Variants in TRMT11 observed in about 807,000 individuals in gnomAD.
TRMT11 encodes the protein tRNA (guanine(10)-N(2))-methyltransferase TRMT11.
TRMT11 carries 53 observed loss-of-function variants against 62.8 expected under a neutral mutation model. The observed-to-expected ratio is 0.84, with a 90% CI of 0.68 to 1.06. The LOEUF (loss-of-function observed/expected upper bound fraction) is 1.06. Ranked by LOEUF, TRMT11 falls within the 50% of genes least tolerant of loss-of-function variation. The pLI is 0.00. For missense variants in TRMT11, 556 were observed against 553.4 expected (o/e 1.00, Z -0.05); for synonymous variants, 188 against 190.3 (o/e 0.99, Z 0.10).
At chr6:125,995,695 T>G (rs1368890774) in intron 2 of TRMT11, among the ~76,000 whole-genome samples, 1 of 152,212 alleles carries the variant, frequency 6.6e-6, no homozygotes, top group Non-Finnish European at 1.5e-5. Context: ...ATGCATTAAT[T>G]CCTTTCGTAA....
At chr6:126,070,383 G>A (rs1007140173) in intron 17 of TRMT11, among the ~76,000 whole-genome samples, 3 of 151,964 alleles carry the variant, frequency 2.0e-5, no homozygotes, top group African/African-American at 7.3e-5. Context: ...CATATACCTG[G>A]TACTCTCACA....
chr6:126,000,362 C>G (rs1008882053), intron 7 of TRMT11, among the ~76,000 whole-genome samples: 3 of 152,074 alleles, frequency 2.0e-5, no homozygotes, highest in Admixed American at 1.3e-4. Flanking sequence ...GCCATCTTTC[C>G]CCTTGGGCAG....
At chr6:126,087,470 A>C (rs1413963966) in intron 17 of TRMT11, among the ~76,000 whole-genome samples, 2 of 152,270 alleles carry the variant, frequency 1.3e-5, no homozygotes, top group Non-Finnish European at 2.9e-5. Context: ...AATGTCAAGA[A>C]GCCCACTTGA....
chr6:126,152,084 T>A (rs1182209705), intron 21 of TRMT11, among the ~76,000 whole-genome samples: 3 of 149,316 alleles, frequency 2.0e-5, no homozygotes, highest in Non-Finnish European at 4.4e-5. Flanking sequence ...GCAGCATGTA[T>A]TCTGATGTTG....
At chr6:126,170,796 A>G (rs889102807) in intron 21 of TRMT11, among the ~76,000 whole-genome samples, 1 of 152,188 alleles carries the variant, frequency 6.6e-6, no homozygotes, top group Non-Finnish European at 1.5e-5. Flanking sequence ...GGGAAAACCT[A>G]TTTTACTAAG....
intron 17 of TRMT11, among the ~76,000 whole-genome samples, chr6:126,066,988 G>T (rs1776711759): frequency 1.3e-5 from 2 of 151,916 alleles, no homozygotes; most frequent in African/African-American, 2.4e-5. Flanking sequence ...ACTTCTGTAG[G>T]CCAAGCCGAG....
At chr6:126,004,932 C>T (rs1281240440) in intron 7 of TRMT11, among the ~76,000 whole-genome samples, 1 of 152,066 alleles carries the variant, frequency 6.6e-6, no homozygotes, top group Non-Finnish European at 1.5e-5. Flanking sequence ...GGCAGAAACA[C>T]ACTTTTCTTT....
the TRMT11 span, among the ~76,000 whole-genome samples, chr6:126,267,963 A>G: frequency 3.3e-5 from 5 of 151,846 alleles, no homozygotes; most frequent in Non-Finnish European, 7.3e-5. Context: ...TGCTAGCCCC[A>G]GAAGATAGAA....
chr6:126,093,260 A>G (rs1306535844), intron 17 of TRMT11, among the ~76,000 whole-genome samples: 2 of 151,880 alleles, frequency 1.3e-5, no homozygotes, highest in African/African-American at 4.8e-5. Context: ...TAGCATATTA[A>G]CTCTATCACA....
In TRMT11 at chr6:126,107,012, C is replaced by T. The variant is rs150354161; in HGVS notation, c.*1438-5854C>T. Among the ~76,000 whole-genome samples the T allele has an allele frequency of 4.1e-3, 608 of 149,656 alleles. 4 individuals are homozygous for T. The highest frequency in any genetic ancestry group is 0.014 in the African/African-American group (577 of 40,770). ...TCCTATATACAATTTATTTAGTTAA[C>T]AACTTTTTCTTTAGCTTTTCAGGAT... On this transcript the variant is annotated intron_variant and NMD_transcript_variant, in intron 17 of 22. Coordinates refer to the TRMT11 transcript ENST00000648977.
At chr6:126,238,103 T>C in the TRMT11 span, among the ~76,000 whole-genome samples, 41 of 152,218 alleles carry the variant, frequency 2.7e-4, no homozygotes, top group Non-Finnish European at 5.9e-4. Context: ...TTCTCTCTTT[T>C]CTTCTTTATT....
chr6:126,091,011 G>A (rs1387491452), intron 17 of TRMT11, among the ~76,000 whole-genome samples: 1 of 152,062 alleles, frequency 6.6e-6, no homozygotes, highest in Non-Finnish European at 1.5e-5. Context: ...AGGCGTTCGA[G>A]ACCACCTGGT....
rs1051021325 is a variant in TRMT11 at position 126,091,190 on chromosome 6, C to A, written c.*1438-21676C>A. Among the ~76,000 whole-genome samples, 26 of 130,124 alleles carry A rather than the reference C, an allele frequency of 2.0e-4. 1 individual carries two copies. The highest frequency in any genetic ancestry group is 1.4e-3 in the Admixed American group (18 of 12,458). 85.4% of individuals were successfully genotyped at this position (130,124 alleles called of 152,430 possible). A position where few individuals can be genotyped will look rare whatever the true frequency, so the allele number is the denominator to read the frequency against. ...CTGCACTCCAGCCTGGGTGACAGAG[C>A]GAGACTCCATCTCAAAAAAAAAAAA... is the stretch of plus-strand genomic sequence containing the variant. On this transcript the variant is annotated intron_variant and NMD_transcript_variant, in intron 17 of 22. Coordinates refer to the TRMT11 transcript ENST00000648977.
intron 18 of TRMT11, among the ~76,000 whole-genome samples, chr6:126,114,618 A>T (rs1409245224): frequency 2.0e-5 from 3 of 152,062 alleles, no homozygotes; most frequent in African/African-American, 4.8e-5. Context: ...TATCTTTCAT[A>T]CTACTCAATA....
At chr6:125,993,016 G>A (rs1583628216) in intron 1 of TRMT11, among the ~76,000 whole-genome samples, 1 of 152,132 alleles carries the variant, frequency 6.6e-6, no homozygotes, top group Non-Finnish European at 1.5e-5. Context: ...GGTGTTAAAG[G>A]CTCTTCCTTC....
At chr6:126,189,515 A>G (rs201538768) in intron 1 of TRMT11, among the ~76,000 whole-genome samples, 2 of 152,136 alleles carry the variant, frequency 1.3e-5, no homozygotes, top group Non-Finnish European at 2.9e-5. Flanking sequence ...ATGTTTCCCA[A>G]TAAAATTTTA....
chr6:126,128,859 A>C (rs972606897), intron 21 of TRMT11, among the ~76,000 whole-genome samples: 2 of 152,046 alleles, frequency 1.3e-5, no homozygotes, highest in South Asian at 4.1e-4. Flanking sequence ...GATTACTCTG[A>C]ACACGTAGGA....
chr6:126,018,634 C>T (rs1017755077), intron 11 of TRMT11, among the ~76,000 whole-genome samples: 3 of 151,172 alleles, frequency 2.0e-5, no homozygotes, highest in African/African-American at 4.9e-5. Context: ...TTAGTAGTTA[C>T]CACCCCCCTA....
At position 126,093,627 on chromosome 6, in the gene TRMT11, A is replaced by ATTTTTTT. The variant is rs1343339966; in HGVS notation, c.*1438-19238_*1438-19237insTTTTTTT. ...TATATATATATATATATATATATATATATATTTTCCCCCAGTCCTGGAGGA... is the reference window on the plus strand; with the variant it reads ...TATATATATATATATATATATATATATTTTTTTTATATTTTCCCCCAGTCCTGGAGGA... On this transcript the variant is annotated intron_variant and NMD_transcript_variant, in intron 17 of 22. Transcript: ENST00000648977. Among the ~76,000 whole-genome samples, 111 of 94,628 alleles carry ATTTTTTT rather than the reference A, an allele frequency of 1.2e-3. 6 individuals carry two copies. Among genetic ancestry groups the ATTTTTTT allele is most frequent in the African/African-American group, 4.9e-3 (103 of 21,144 alleles). The allele number at this position is 94,628 out of a possible 152,430, so 62.1% of individuals were successfully genotyped here.
Sources: gnomAD v4.1 joint callset for allele counts (sites outside exome capture counted in the v4.1 genomes callset) on GRCh38, gnomAD v4.1.1 for gene constraint, MANE v1.5 for transcripts, NCBI Gene and HGNC (gene_info 2026-07-23, HGNC 2026-07-21) for gene names.